Variants in HELLS observed in about 807,000 individuals in gnomAD.
HELLS encodes lymphoid-specific helicase.
HELLS carries 32 observed loss-of-function variants against 120.0 expected under a neutral mutation model. The ratio of observed to expected loss-of-function variants is 0.27; its 90% CI spans 0.20 to 0.36. HELLS has a LOEUF of 0.36. Among genes scored for constraint, HELLS ranks in the 10% least tolerant of loss-of-function variants. The pLI is 1.00. For missense variants in HELLS, 650 were observed against 993.4 expected (o/e 0.65, Z 4.65); for synonymous variants, 341 against 323.4 (o/e 1.05, Z -0.58).
downstream of HELLS, among the ~76,000 whole-genome samples, chr10:94,602,999 C>T (rs890778704): frequency 6.6e-6 from 1 of 152,164 alleles, no homozygotes; most frequent in African/African-American, 2.4e-5. Flanking sequence ...TCACTTTGCT[C>T]CCTATTGCCC....
intron 6 of HELLS, chr10:94,570,775 C>T (rs1392921735): frequency 6.6e-6 from 1 of 151,908 alleles, no homozygotes; most frequent in Non-Finnish European, 1.5e-5. Flanking sequence ...TCTGTCTTTG[C>T]CTCTTACCCA....
rs1845669084 is a variant in HELLS at position 94,594,946 on chromosome 10, TG to T, written c.2248+95del. 4.1e-6 allele frequency: 4 copies of T among 968,910 alleles called. No homozygotes were observed. In the South Asian group the frequency reaches 6.7e-5, roughly 16 times the overall value. The allele number at this position is 968,910 out of a possible 1,614,324, so 60.0% of individuals were successfully genotyped here. A position where few individuals can be genotyped will look rare whatever the true frequency, so the allele number is the denominator to read the frequency against. The stretch of plus-strand genomic sequence containing the variant: ...ATTTTGTTTATAAAATATTACAGCC[TG>T]GGCCGAGTTCTGTGTCTCACACCTG... On this transcript the variant is annotated intron_variant, in intron 19 of 21. Transcript: ENST00000348459.
intron 9 of HELLS, among the ~76,000 whole-genome samples, chr10:94,575,792 TG>T: frequency 6.7e-6 from 1 of 148,994 alleles, no homozygotes; most frequent in Non-Finnish European, 1.5e-5. Flanking sequence ...TGTGTGTGTG[TG>T]TGTGTGTGTG....
intron 4 of HELLS, among the ~76,000 whole-genome samples, chr10:94,561,884 A>G (rs80104560): frequency 0.028 from 4,233 of 152,016 alleles, 93 homozygotes; most frequent in South Asian, 0.044. Flanking sequence ...TTCACAATGA[A>G]TATTCCTTCA....
chr10:94,578,062 C>T (rs1433977737), intron 10 of HELLS, among the ~76,000 whole-genome samples: 29 of 124,476 alleles, frequency 2.3e-4, no homozygotes, highest in Non-Finnish European at 4.5e-4. Flanking sequence ...CAGAGCGAGA[C>T]TCCGTCTCAA....
At chr10:94,591,126 G>A (rs1014819716) in intron 15 of HELLS, among the ~76,000 whole-genome samples, 1 of 152,130 alleles carries the variant, frequency 6.6e-6, no homozygotes, top group Non-Finnish European at 1.5e-5. Context: ...GAGCCACCAC[G>A]CTTGGCCTCT....
chr10:94,570,216 A>G (rs1351702430), intron 6 of HELLS: 1 of 151,704 alleles, frequency 6.6e-6, no homozygotes, highest in Non-Finnish European at 1.5e-5. Context: ...CAACATTTAT[A>G]TTTTTTGTAG....
intron 2 of HELLS, among the ~76,000 whole-genome samples, chr10:94,548,764 C>A (rs766097181): frequency 2.6e-5 from 4 of 152,030 alleles, no homozygotes; most frequent in Non-Finnish European, 5.9e-5. Context: ...GAGGCCGAGG[C>A]GGGTGGATCA....
intron 2 of HELLS, among the ~76,000 whole-genome samples, chr10:94,548,133 C>A (rs935617171): frequency 6.6e-6 from 1 of 152,118 alleles, no homozygotes; most frequent in Admixed American, 6.6e-5. Context: ...GAGGGTGCAT[C>A]ACTTGCTGTT....
Position 94,545,830 on chromosome 10 carries a change from G to C in HELLS, c.-92G>C. On this transcript the variant is annotated 5_prime_UTR_variant, in exon 1 of 22. Coordinates refer to ENST00000348459, the MANE Select transcript of HELLS (RefSeq NM_018063.5). ...TTTTCCCTGGCGGGGGATTTGGCTA[G>C]AAGGCTGGGCCGGCAGCGGTTGTGA... The C allele has an allele frequency of 2.8e-6, 4 of 1,422,538 alleles. No individual in the cohort carries two copies. The highest frequency in any genetic ancestry group is 3.9e-6 in the Non-Finnish European group (4 of 1,029,060). 88.1% of individuals were successfully genotyped at this position (1,422,538 alleles called of 1,614,324 possible).
intron 10 of HELLS, among the ~76,000 whole-genome samples, chr10:94,580,939 A>G (rs1202345074): frequency 6.6e-6 from 1 of 152,214 alleles, no homozygotes; most frequent in Non-Finnish European, 1.5e-5. Flanking sequence ...GTGCTATTTG[A>G]TGTTTCAGCA....
At chr10:94,590,873 G>T in intron 15 of HELLS, 97 bp downstream of exon 15, 1 of 654,764 alleles carries the variant, frequency 1.5e-6, no homozygotes, top group South Asian at 3.0e-5. Context: ...TTAAAAATAA[G>T]TATGGTGCTA....
intron 3 of HELLS, among the ~76,000 whole-genome samples, chr10:94,555,715 G>A (rs1843227389): frequency 6.6e-6 from 1 of 152,094 alleles, no homozygotes. Context: ...TGCAACCTCT[G>A]ACTCCTGGGT....
chr10:94,584,129 A>G, intron 12 of HELLS: 1 of 1,309,070 alleles, frequency 7.6e-7, no homozygotes. Context: ...TTTTGAGGTT[A>G]GAAGTCCTTT....
chr10:94,576,256 C>T (rs1393315657), intron 9 of HELLS, among the ~76,000 whole-genome samples: 1 of 152,152 alleles, frequency 6.6e-6, no homozygotes, highest in African/African-American at 2.4e-5. Flanking sequence ...TCATGTGAAC[C>T]TCCCATCTCA....
At chr10:94,554,378 T>C (rs1843136566) in intron 3 of HELLS, 130 bp downstream of exon 3, 3 of 585,608 alleles carry the variant, frequency 5.1e-6, no homozygotes, top group Non-Finnish European at 8.3e-6. Flanking sequence ...GACTAGTAAA[T>C]ATATAGATCT....
Position 94,596,554 on chromosome 10 carries a change from T to C in HELLS, c.2249-306T>C. Among the ~76,000 whole-genome samples the C allele has an allele frequency of 1.3e-5, 2 of 152,178 alleles. 1 individual carries two copies. ...CTCCTGTTGGTCGACATTTAAATTA[T>C]TTCTAGATTCTGGTTATTATGAATA... is the stretch of plus-strand genomic sequence containing the variant. On this transcript the variant is annotated intron_variant, in intron 19 of 21. Coordinates refer to ENST00000348459, the MANE Select transcript of HELLS (RefSeq NM_018063.5).
downstream of HELLS, among the ~76,000 whole-genome samples, chr10:94,605,082 C>A (rs1199676634): frequency 3.8e-5 from 5 of 132,744 alleles, no homozygotes; most frequent in South Asian, 8.7e-4. Context: ...TCCCCCCCCC[C>A]CCCTTTTTTT....
Position 94,574,185 on chromosome 10 carries a change from A to G in HELLS, c.703A>G (p.Arg235Gly). 1 of 1,594,892 alleles carries G rather than the reference A, an allele frequency of 6.3e-7. No individual in the cohort carries two copies. The highest frequency in any genetic ancestry group is 8.6e-7 in the Non-Finnish European group (1 of 1,164,364). Residue 235 changes from arginine to glycine, a missense_variant and splice_region_variant, in exon 8 of 22, where the codon AGG becomes GGG. Arg to Gly is a moderately radical substitution (Grantham distance 125). Around this residue, in one of 9 missense-constraint regions of HELLS, gnomAD observed 26 missense variants for 87.3 expected, o/e 0.30. Coordinates refer to ENST00000348459, the MANE Select transcript of HELLS (RefSeq NM_018063.5). ...WYQVEGMEWL[R>G]MLWENGINGI... is the part of the protein sequence containing the mutation. The stretch of plus-strand genomic sequence containing the variant: ...CCAAGTAGAAGGCATGGAATGGCTT[A>G]GGGTAATGAATTGGAATTTTTAATA...
Sources: gnomAD v4.1 joint callset for allele counts (sites outside exome capture counted in the v4.1 genomes callset) on GRCh38, gnomAD v4.1.1 for gene constraint, gnomAD v4.1.1 regional missense constraint, MANE v1.5 for transcripts, NCBI Gene and HGNC (gene_info 2026-07-23, HGNC 2026-07-21) for gene names.